SLC9A9: variants seen among roughly 807,000 people sequenced by gnomAD.
SLC9A9 encodes the protein solute carrier family 9 member A9.
SLC9A9 carries 62 observed loss-of-function variants against 77.8 expected under a neutral mutation model. The observed-to-expected ratio is 0.80, with a 90% CI of 0.65 to 0.98. The LOEUF is 0.98. Ranked by LOEUF, SLC9A9 falls within the 50% of genes least tolerant of loss-of-function variation. SLC9A9 has a pLI of 0.00. For synonymous variants in SLC9A9, 320 were observed against 283.5 expected, an observed-to-expected ratio of 1.13 and a Z score of -1.29; for missense variants, 775 against 774.9, an observed-to-expected ratio of 1.00 and a Z score of 0.00.
At chr3:143,448,557 G>A (rs2034888416) in intron 12 of SLC9A9, among the ~76,000 whole-genome samples, 1 of 152,050 alleles carries the variant, frequency 6.6e-6, no homozygotes, top group African/African-American at 2.4e-5. Context: ...CAACTGGAAA[G>A]CCACCAAGGA....
chr3:143,561,814 C>T (rs2037090333), intron 8 of SLC9A9, among the ~76,000 whole-genome samples: 1 of 152,196 alleles, frequency 6.6e-6, no homozygotes, highest in African/African-American at 2.4e-5. Context: ...GAAGGAATAA[C>T]TTGGAGAAAC....
chr3:143,492,240 C>G (rs902048863), intron 11 of SLC9A9, among the ~76,000 whole-genome samples: 1 of 148,432 alleles, frequency 6.7e-6, no homozygotes, highest in Non-Finnish European at 1.5e-5. Flanking sequence ...TGCAGTGAGC[C>G]GAGATCACAC....
At chr3:143,429,089 G>A (rs2034459545) in intron 12 of SLC9A9, among the ~76,000 whole-genome samples, 1 of 152,126 alleles carries the variant, frequency 6.6e-6, no homozygotes, top group African/African-American at 2.4e-5. Flanking sequence ...AAAGTGATAT[G>A]GTAATTATCC....
chr3:143,497,292 C>T (rs986429206), intron 9 of SLC9A9, among the ~76,000 whole-genome samples: 7 of 152,140 alleles, frequency 4.6e-5, no homozygotes, highest in African/African-American at 1.4e-4. Flanking sequence ...CTTTAATGGC[C>T]TTACTCCAAT....
chr3:143,592,487 G>A (rs1264866257), intron 6 of SLC9A9, among the ~76,000 whole-genome samples: 1 of 152,192 alleles, frequency 6.6e-6, no homozygotes, highest in African/African-American at 2.4e-5. Flanking sequence ...GATCAAACGT[G>A]GCTGCTCCAG....
At chr3:143,405,208 T>C (rs908254376) in intron 12 of SLC9A9, among the ~76,000 whole-genome samples, 6 of 152,206 alleles carry the variant, frequency 3.9e-5, no homozygotes, top group Admixed American at 3.9e-4. Context: ...TTTCAAGTGC[T>C]ATTAGTCTCC....
chr3:143,767,763 A>T (rs531283556), intron 4 of SLC9A9, among the ~76,000 whole-genome samples: 99 of 152,192 alleles, frequency 6.5e-4, no homozygotes, highest in Non-Finnish European at 1.4e-3. Flanking sequence ...ATGGCTATTT[A>T]GATGCCTAAT....
rs191412685 is a variant in SLC9A9 at position 143,759,558 on chromosome 3, T to C, written c.533+35443A>G. On this transcript the variant is annotated intron_variant, in intron 4 of 15. Transcript: ENST00000316549. Reference sequence around the variant, plus strand: ...AAGTGAGCCCTCTCTAAATACTTGATGGGTGTCCAGATCCTTTGAGTCCTG... The same window carrying C: ...AAGTGAGCCCTCTCTAAATACTTGACGGGTGTCCAGATCCTTTGAGTCCTG... Among the ~76,000 whole-genome samples the C allele has an allele frequency of 1.6e-4, 25 of 152,148 alleles. No individual in the cohort carries two copies. In the East Asian group the frequency reaches 4.8e-3, roughly 29 times the overall value.
At chr3:143,752,499 G>A (rs2006765608) in intron 4 of SLC9A9, among the ~76,000 whole-genome samples, 1 of 152,130 alleles carries the variant, frequency 6.6e-6, no homozygotes. Flanking sequence ...CATCTCAAGG[G>A]AGGTAAGGGT....
intron 7 of SLC9A9, 152 bp from the exon 8 acceptor site, chr3:143,574,345 G>A: frequency 4.3e-6 from 3 of 702,844 alleles, no homozygotes; most frequent in Admixed American, 2.1e-5. Flanking sequence ...ATTCTCACTG[G>A]GACCTACTTT....
chr3:143,333,737 A>G (rs1011995880), intron 14 of SLC9A9, among the ~76,000 whole-genome samples: 1 of 152,260 alleles, frequency 6.6e-6, no homozygotes, highest in Non-Finnish European at 1.5e-5. Context: ...TAATTCCTAG[A>G]AATGAAACAA....
chr3:143,790,726 T>C (rs989305433), intron 4 of SLC9A9, among the ~76,000 whole-genome samples: 1 of 152,212 alleles, frequency 6.6e-6, no homozygotes, highest in African/African-American at 2.4e-5. Flanking sequence ...TAGTATAAGA[T>C]AAAATGAGAT....
chr3:143,395,293 A>G (rs1177464092), intron 12 of SLC9A9, among the ~76,000 whole-genome samples: 2 of 152,068 alleles, frequency 1.3e-5, no homozygotes, highest in Non-Finnish European at 2.9e-5. Flanking sequence ...GAAATAAACC[A>G]CACATCTATA....
chr3:143,670,530 C>T (rs182490995), intron 5 of SLC9A9, among the ~76,000 whole-genome samples: 4 of 152,282 alleles, frequency 2.6e-5, no homozygotes, highest in Admixed American at 2.6e-4. Flanking sequence ...CCCAGGGAGA[C>T]CTTGCTAATG....
At chr3:143,518,799 G>A (rs1043883164) in intron 9 of SLC9A9, among the ~76,000 whole-genome samples, 4 of 152,102 alleles carry the variant, frequency 2.6e-5, no homozygotes, top group Non-Finnish European at 4.4e-5. Context: ...GGACATTTTG[G>A]TTGTGTCCAG....
At chr3:143,454,463 T>C (rs1423566231) in intron 12 of SLC9A9, among the ~76,000 whole-genome samples, 2 of 152,224 alleles carry the variant, frequency 1.3e-5, no homozygotes, top group Admixed American at 1.3e-4. Context: ...GTTTTATATT[T>C]TGATCTATGA....
chr3:143,378,748 A>G (rs2033236804), intron 13 of SLC9A9, among the ~76,000 whole-genome samples: 1 of 152,224 alleles, frequency 6.6e-6, no homozygotes, highest in Admixed American at 6.5e-5. Context: ...TTTAAGAGGC[A>G]TAAAATTCAC....
At chr3:143,419,270 A>G (rs1023769761) in intron 12 of SLC9A9, among the ~76,000 whole-genome samples, 9 of 152,148 alleles carry the variant, frequency 5.9e-5, no homozygotes, top group Non-Finnish European at 4.4e-5. Context: ...AGAGAAACTC[A>G]CTTATTTCTC....
At chr3:143,370,531 T>C (rs1240346966) in intron 13 of SLC9A9, among the ~76,000 whole-genome samples, 1 of 149,474 alleles carries the variant, frequency 6.7e-6, no homozygotes, top group African/African-American at 2.5e-5. Flanking sequence ...GTGATAACTC[T>C]TTTATATACA....
Sources: gnomAD v4.1 joint callset for allele counts (sites outside exome capture counted in the v4.1 genomes callset) on GRCh38, gnomAD v4.1.1 for gene constraint, MANE v1.5 for transcripts, NCBI Gene and HGNC (gene_info 2026-07-23, HGNC 2026-07-21) for gene names.